DOCK1: variants seen among roughly 807,000 people sequenced by gnomAD.
The protein encoded by DOCK1 is dedicator of cytokinesis 1.
A neutral mutation model predicts 262.7 loss-of-function variants in DOCK1; 138 were observed. The observed-to-expected ratio is 0.53, with a 90% CI of 0.46 to 0.61. DOCK1 has a LOEUF of 0.61. Ranked by LOEUF, DOCK1 falls within the 20% of genes least tolerant of loss-of-function variation. The pLI is 0.00. For missense variants in DOCK1, 1,908 were observed against 2,370.7 expected (o/e 0.80, Z 4.05); for synonymous variants, 866 against 867.4 (o/e 1.00, Z 0.03).
intron 29 of DOCK1, among the ~76,000 whole-genome samples, chr10:127,272,972 C>A (rs1174725077): frequency 6.6e-6 from 1 of 152,166 alleles, no homozygotes; most frequent in Non-Finnish European, 1.5e-5. Flanking sequence ...TGTGGGAATT[C>A]AAGATGAGAT....
At chr10:126,991,663 G>C (rs1028870492) in intron 6 of DOCK1, among the ~76,000 whole-genome samples, 1 of 152,032 alleles carries the variant, frequency 6.6e-6, no homozygotes, top group Non-Finnish European at 1.5e-5. Flanking sequence ...CCGAATAGCT[G>C]GGATTATAGG....
intron 27 of DOCK1, among the ~76,000 whole-genome samples, chr10:127,195,497 C>G (rs1043914247): frequency 6.6e-6 from 1 of 152,088 alleles, no homozygotes; most frequent in African/African-American, 2.4e-5. Context: ...CAACGGCCGG[C>G]GTCAGGGCCC....
chr10:127,108,160 T>A (rs1184028182), intron 24 of DOCK1, among the ~76,000 whole-genome samples: 1 of 152,218 alleles, frequency 6.6e-6, no homozygotes, highest in Non-Finnish European at 1.5e-5. Flanking sequence ...TTGTTTCTAT[T>A]TAGAAAATTG....
At chr10:127,352,609 T>C (rs566203687) in intron 31 of DOCK1, among the ~76,000 whole-genome samples, 9 of 152,236 alleles carry the variant, frequency 5.9e-5, no homozygotes, top group African/African-American at 2.2e-4. Context: ...TTTTTTTTTC[T>C]TGATACAGAG....
chr10:127,381,503 G>T, intron 37 of DOCK1, 135 bp downstream of exon 37: 1 of 656,282 alleles, frequency 1.5e-6, no homozygotes, highest in Non-Finnish European at 2.4e-6. Flanking sequence ...ATAAATGCAA[G>T]GATATGAACA....
At position 127,110,410 on chromosome 10, in the gene DOCK1, T is replaced by C. The variant is rs1273876560; in HGVS notation, c.2623+56T>C. 4 of 1,496,576 alleles carry C rather than the reference T, an allele frequency of 2.7e-6. No homozygotes were observed. The African/African-American group carries it at 5.5e-5, about 21-fold the overall frequency. The allele number at this position is 1,496,576 out of a possible 1,614,324, so 92.7% of individuals were successfully genotyped here. A position where few individuals can be genotyped will look rare whatever the true frequency, so the allele number is the denominator to read the frequency against. Reference sequence around the variant, plus strand: ...TCCTGTTATTTATTTTCTGAAGACATTGACCCTCTGAATTGCCTCTTCTTG... The same window carrying C: ...TCCTGTTATTTATTTTCTGAAGACACTGACCCTCTGAATTGCCTCTTCTTG... On this transcript the variant is annotated intron_variant, in intron 25 of 51. Coordinates refer to ENST00000623213, the MANE Select transcript of DOCK1 (RefSeq NM_001290223.2).
chr10:127,431,331 G>A (rs1291870580), intron 47 of DOCK1, among the ~76,000 whole-genome samples: 4 of 152,224 alleles, frequency 2.6e-5, no homozygotes, highest in Non-Finnish European at 5.9e-5. Context: ...AGACCGCCCA[G>A]TAAACCCATG....
At chr10:127,081,184 C>T (rs1043720184) in intron 23 of DOCK1, among the ~76,000 whole-genome samples, 2 of 152,070 alleles carry the variant, frequency 1.3e-5, no homozygotes, top group African/African-American at 4.8e-5. Context: ...GGACTGCTGG[C>T]GGTTTTACTT....
At position 127,038,576 on chromosome 10, in the gene DOCK1, A is replaced by C. The variant is rs147296517; in HGVS notation, c.2010+760A>C. ...TCCCTGAGATCCCCTTTAAGTGACCAGGAGAGGTCTGTGGTGTGGTAGAAA... is the reference window on the plus strand; with the variant it reads ...TCCCTGAGATCCCCTTTAAGTGACCCGGAGAGGTCTGTGGTGTGGTAGAAA... On this transcript the variant is annotated intron_variant, in intron 19 of 51. Transcript: ENST00000623213. Among the ~76,000 whole-genome samples, 4 of 152,310 alleles carry C rather than the reference A, an allele frequency of 2.6e-5. No individual in the cohort carries two copies. The East Asian group carries it at 7.7e-4, about 30-fold the overall frequency.
intron 24 of DOCK1, among the ~76,000 whole-genome samples, chr10:127,109,983 G>C (rs932349008): frequency 4.6e-5 from 7 of 151,920 alleles, no homozygotes; most frequent in African/African-American, 1.7e-4. Flanking sequence ...TGGTGTGACT[G>C]TTCTCATTTC....
In DOCK1 at chr10:126,990,543, C is replaced by G; in HGVS notation, c.413C>G (p.Pro138Arg). The G allele has an allele frequency of 6.2e-7, 1 of 1,613,798 alleles. No homozygotes were observed. Among genetic ancestry groups the G allele is most frequent in the Non-Finnish European group, 8.5e-7 (1 of 1,179,860 alleles). ...TCACAAATTCTTTCTGGAACTCTGC[C>G]TCAGGATGAACTCAAAGAACTGAAG... ...WRSQILSGTL[P>R]QDELKELKKK... Residue 138 changes from proline to arginine, a missense_variant, in exon 6 of 52, where the codon CCT becomes CGT. Physicochemically the swap from Pro to Arg is moderately radical, Grantham distance 103. Around this residue, in one of 9 missense-constraint regions of DOCK1, gnomAD observed 227 missense variants for 254.1 expected, o/e 0.89. Transcript: ENST00000623213.
chr10:127,152,529 C>G (rs1438722711), intron 27 of DOCK1, among the ~76,000 whole-genome samples: 2 of 152,184 alleles, frequency 1.3e-5, no homozygotes, highest in Non-Finnish European at 2.9e-5. Flanking sequence ...TCTTACAACA[C>G]TCTAAGGTGG....
chr10:127,391,555 G>T (rs773185631), intron 38 of DOCK1, among the ~76,000 whole-genome samples: 11 of 152,064 alleles, frequency 7.2e-5, no homozygotes, highest in Non-Finnish European at 1.3e-4. Flanking sequence ...CATTTCCCGG[G>T]CTTAGCAAGG....
intron 23 of DOCK1, among the ~76,000 whole-genome samples, chr10:127,104,809 A>C (rs1360688297): frequency 6.6e-6 from 1 of 152,188 alleles, no homozygotes; most frequent in Non-Finnish European, 1.5e-5. Flanking sequence ...TCAGGGTCTG[A>C]CTTTCCCCCG....
chr10:127,299,430 G>T (rs1307884935), intron 29 of DOCK1, among the ~76,000 whole-genome samples: 1 of 152,208 alleles, frequency 6.6e-6, no homozygotes, highest in African/African-American at 2.4e-5. Flanking sequence ...TAATCCAATG[G>T]CTGGTCTCTT....
chr10:126,966,005 C>A (rs1470414883), intron 1 of DOCK1, among the ~76,000 whole-genome samples: 1 of 152,156 alleles, frequency 6.6e-6, no homozygotes. Context: ...TAGCAAATTT[C>A]TCCTGTCCCC....
At chr10:127,273,661 T>G (rs2060643593) in intron 29 of DOCK1, among the ~76,000 whole-genome samples, 1 of 151,986 alleles carries the variant, frequency 6.6e-6, no homozygotes. Context: ...GTGGCCAGAT[T>G]GCCTGAGCTC....
chr10:127,251,270 C>T (rs61872140), intron 28 of DOCK1, among the ~76,000 whole-genome samples: 50,421 of 151,720 alleles, frequency 0.33, 9,604 homozygotes, highest in South Asian at 0.56. Flanking sequence ...TGAGCCACCA[C>T]GCCCGGCTTA....
chr10:127,009,828 T>C, intron 11 of DOCK1, among the ~76,000 whole-genome samples: 1 of 152,156 alleles, frequency 6.6e-6, no homozygotes, highest in East Asian at 1.9e-4. Flanking sequence ...TTGACTTCCC[T>C]CTGCCCCACG....
Sources: gnomAD v4.1 joint callset for allele counts (sites outside exome capture counted in the v4.1 genomes callset) on GRCh38, gnomAD v4.1.1 for gene constraint, gnomAD v4.1.1 regional missense constraint, MANE v1.5 for transcripts, NCBI Gene and HGNC (gene_info 2026-07-23, HGNC 2026-07-21) for gene names.